Variants in ARHGEF4 observed in about 807,000 individuals in gnomAD.
ARHGEF4 encodes Rho guanine nucleotide exchange factor 4.
ARHGEF4 carries 119 observed loss-of-function variants against 162.0 expected under a neutral mutation model. The ratio of observed to expected loss-of-function variants is 0.73; its 90% CI spans 0.63 to 0.86. ARHGEF4 has a LOEUF of 0.86. Among genes scored for constraint, ARHGEF4 ranks in the 40% least tolerant of loss-of-function variants. The pLI is 0.00. For synonymous variants in ARHGEF4, 1,014 were observed against 979.9 expected (o/e 1.03, Z -0.65); for missense variants, 2,488 against 2,456.0 (o/e 1.01, Z -0.28).
intron 4 of ARHGEF4, among the ~76,000 whole-genome samples, chr2:131,019,493 A>AT (rs1255550811): frequency 2.0e-5 from 3 of 150,488 alleles, no homozygotes; most frequent in Non-Finnish European, 4.4e-5. Context: ...TCTTAAATAT[A>AT]TTAAGACTTT....
At position 130,949,384 on chromosome 2, in the gene ARHGEF4, C is replaced by T. The variant is rs575645057; in HGVS notation, c.3985+2749C>T. ...TTATTTATTTTTTGAGACGGAGTCTCGCTCTGTCACCCAAGCTGGAGTGCA... is the reference window on the plus strand; with the variant it reads ...TTATTTATTTTTTGAGACGGAGTCTTGCTCTGTCACCCAAGCTGGAGTGCA... On this transcript the variant is annotated intron_variant, in intron 4 of 13. Coordinates refer to ENST00000409359, the MANE Select transcript of ARHGEF4 (RefSeq NM_001367493.1). 8.5e-5 allele frequency among the ~76,000 whole-genome samples: 13 copies of T among 152,214 alleles called. No individual in the cohort carries two copies. The South Asian group carries it at 1.7e-3, about 19-fold the overall frequency.
At chr2:130,907,742 A>G (rs1680917558) in intron 1 of ARHGEF4, among the ~76,000 whole-genome samples, 1 of 151,692 alleles carries the variant, frequency 6.6e-6, no homozygotes, top group Non-Finnish European at 1.5e-5. Flanking sequence ...TCACGAAGTC[A>G]GGAGATCGAG....
chr2:131,021,235 C>T (rs1463764665), intron 4 of ARHGEF4, among the ~76,000 whole-genome samples: 13 of 152,146 alleles, frequency 8.5e-5, no homozygotes. Flanking sequence ...AACTATACTA[C>T]AAGGCTACAG....
intron 1 of ARHGEF4, among the ~76,000 whole-genome samples, chr2:130,850,691 G>A (rs1681348383): frequency 6.6e-6 from 1 of 152,224 alleles, no homozygotes; most frequent in African/African-American, 2.4e-5. Flanking sequence ...CCTACCCCAT[G>A]TCCCTACCTT....
Position 130,916,554 on chromosome 2 carries a change from G to C in ARHGEF4, c.2608G>C (p.Gly870Arg). The stretch of plus-strand genomic sequence containing the variant: ...GCAGGCTGCAGGCGACAGGACTGCA[G>C]GGCCGGCAGGAGCGGGGCACACGGG... ...VPQAAGDRTAGPAGAGHTGTS... is the reference protein window; with the variant it reads ...VPQAAGDRTARPAGAGHTGTS... The change falls in exon 2 of 14, where the codon GGG becomes CGG. Residue 870 changes from glycine (G) to arginine (R), a missense_variant. Coordinates refer to ENST00000409359, the MANE Select transcript of ARHGEF4 (RefSeq NM_001367493.1). The C allele has an allele frequency of 3.2e-6, 5 of 1,550,176 alleles. No individual in the cohort carries two copies. The highest frequency in any genetic ancestry group is 3.5e-6 in the Non-Finnish European group (4 of 1,146,846).
At chr2:131,009,783 A>AT (rs1688336638) in intron 4 of ARHGEF4, among the ~76,000 whole-genome samples, 1 of 152,138 alleles carries the variant, frequency 6.6e-6, no homozygotes, top group Middle Eastern at 3.2e-3. Flanking sequence ...CATTATTATA[A>AT]TAGTTTATCT....
chr2:130,930,947 T>C lies in ARHGEF4; in HGVS notation c.3553-5T>C, dbSNP rs202134576. On this transcript the variant is annotated splice_polypyrimidine_tract_variant and splice_region_variant and intron_variant, in intron 2 of 13. Coordinates refer to ENST00000409359, the MANE Select transcript of ARHGEF4 (RefSeq NM_001367493.1). ...GACCCCTGACCCGTTCTCTCTGCTCTCCAGAACCACATGCCCTGGGAAGAA... is the reference window on the plus strand; with the variant it reads ...GACCCCTGACCCGTTCTCTCTGCTCCCCAGAACCACATGCCCTGGGAAGAA... The C allele has an allele frequency of 1.9e-6, 3 of 1,602,624 alleles. No individual in the cohort carries two copies. Among genetic ancestry groups the C allele is most frequent in the Non-Finnish European group, 2.6e-6 (3 of 1,171,844 alleles).
chr2:131,026,042 G>T (rs1227253999), intron 4 of ARHGEF4, among the ~76,000 whole-genome samples: 1 of 152,036 alleles, frequency 6.6e-6, no homozygotes, highest in Non-Finnish European at 1.5e-5. Flanking sequence ...GACCATTATT[G>T]TGCCTCCTGC....
Position 130,986,149 on chromosome 2 carries a change from GGT to G in ARHGEF4, c.3985+39521_3985+39522del, listed in dbSNP as rs1055579916. On this transcript the variant is annotated intron_variant, in intron 4 of 13. Transcript: ENST00000409359. ...GCATGTGTATATTGTTTGTGTGCATGGTGTGTGTTGCATGTGTATGTTGTGTT... is the reference window on the plus strand; with the variant it reads ...GCATGTGTATATTGTTTGTGTGCATGGTGTGTTGCATGTGTATGTTGTGTT... Among the ~76,000 whole-genome samples the G allele has an allele frequency of 7.3e-5, 11 of 151,712 alleles. 1 individual carries two copies. Among genetic ancestry groups the G allele is most frequent in the Middle Eastern group, 6.9e-3 (2 of 290 alleles).
At position 131,040,398 on chromosome 2, in the gene ARHGEF4, G is replaced by C. The variant is rs150910655; in HGVS notation, c.4620G>C (p.Glu1540Asp). The C allele has an allele frequency of 3.1e-6, 5 of 1,607,678 alleles. No homozygotes were observed. The African/African-American group carries it at 6.7e-5, about 21-fold the overall frequency. Residue 1540 changes from glutamate to aspartate, a missense_variant, in exon 8 of 14, where the codon GAG becomes GAC. By Grantham distance (45) the Glu-to-Asp change is conservative. This residue lies in a region of ARHGEF4 where 415 missense variants were observed against 512.4 expected (regional missense o/e 0.81). Transcript: ENST00000409359. Reference sequence around the variant, plus strand: ...CCCTGGAGCAGAGGTTCAACCGCGAGCGCCCACACCTGAGCGAGCTGGGTG... The same window carrying C: ...CCCTGGAGCAGAGGTTCAACCGCGACCGCCCACACCTGAGCGAGCTGGGTG... ...VKALEQRFNR[E>D]RPHLSELGAC...
intron 4 of ARHGEF4, among the ~76,000 whole-genome samples, chr2:130,981,657 C>CA (rs1293791852): frequency 0.053 from 3,956 of 74,286 alleles, 151 homozygotes; most frequent in African/African-American, 0.16. Context: ...GACTCCATCT[C>CA]AAAAAAAAAA....
At chr2:131,015,571 T>G (rs1688720882) in intron 4 of ARHGEF4, among the ~76,000 whole-genome samples, 1 of 152,102 alleles carries the variant, frequency 6.6e-6, no homozygotes, top group African/African-American at 2.4e-5. Flanking sequence ...TCTTTAAAAG[T>G]CTATCAAAAA....
Position 131,044,437 on chromosome 2 carries a change from A to G in ARHGEF4, c.5296A>G (p.Thr1766Ala). The G allele has an allele frequency of 1.3e-6, 2 of 1,561,844 alleles. No homozygotes were observed. Among genetic ancestry groups the G allele is most frequent in the Non-Finnish European group, 1.7e-6 (2 of 1,152,984 alleles). ...KNAFRLHRGATGDSHLLCTRK... is the reference protein window; with the variant it reads ...KNAFRLHRGAAGDSHLLCTRK... ...CGCCTTCCGGCTGCACCGTGGCGCC[A>G]CAGGGGACAGCCACCTGCTGTGCAC... The change falls in exon 12 of 14, where the codon ACA becomes GCA. Residue 1766 changes from threonine to alanine, a missense_variant. By Grantham distance (58) the Thr-to-Ala change is moderately conservative. Coordinates refer to ENST00000409359, the MANE Select transcript of ARHGEF4 (RefSeq NM_001367493.1).
At chr2:130,920,489 C>A (rs933156069) in intron 2 of ARHGEF4, among the ~76,000 whole-genome samples, 1 of 152,146 alleles carries the variant, frequency 6.6e-6, no homozygotes, top group Non-Finnish European at 1.5e-5. Flanking sequence ...GCCATCAGAC[C>A]ACAGACAGGA....
At chr2:130,969,289 C>T (rs1048584375) in intron 4 of ARHGEF4, among the ~76,000 whole-genome samples, 10 of 152,000 alleles carry the variant, frequency 6.6e-5, no homozygotes, top group South Asian at 6.2e-4. Flanking sequence ...ACTTTTGCAC[C>T]GTCGTAAAGT....
intron 1 of ARHGEF4, among the ~76,000 whole-genome samples, chr2:130,866,575 G>A (rs767100988): frequency 1.3e-4 from 20 of 152,196 alleles, no homozygotes; most frequent in Non-Finnish European, 1.6e-4. Flanking sequence ...TTAGCTTGCT[G>A]AGGGTTTTTA....
intron 2 of ARHGEF4, among the ~76,000 whole-genome samples, chr2:130,926,185 G>A (rs897387202): frequency 1.3e-5 from 2 of 151,568 alleles, no homozygotes; most frequent in Admixed American, 6.6e-5. Flanking sequence ...TCAACTGAAC[G>A]TTTTATTTCA....
At chr2:130,995,747 T>C (rs1687341333) in intron 4 of ARHGEF4, among the ~76,000 whole-genome samples, 1 of 152,200 alleles carries the variant, frequency 6.6e-6, no homozygotes. Flanking sequence ...GGCCTCTCCA[T>C]GTAGAACTCG....
chr2:130,897,855 AC>A (rs71398514), intron 1 of ARHGEF4, among the ~76,000 whole-genome samples: 18,644 of 152,202 alleles, frequency 0.12, 1,564 homozygotes, highest in Admixed American at 0.22. Context: ...TGAGGGTAAT[AC>A]ACAAAGCAAT....
Sources: allele counts gnomAD v4.1 joint callset (sites outside exome capture counted in the v4.1 genomes callset), GRCh38; gene constraint gnomAD v4.1.1; regional missense constraint gnomAD v4.1.1; transcripts MANE v1.5; gene names NCBI Gene and HGNC (gene_info 2026-07-23, HGNC 2026-07-21).